The following DPP6 variants were observed in gnomAD, a reference collection of about 807,000 sequenced individuals.
DPP6 encodes dipeptidyl peptidase like 6.
A neutral mutation model predicts 122.6 loss-of-function variants in DPP6; 69 were observed. That is an observed-to-expected ratio of 0.56 (90% confidence interval 0.46 to 0.69). The LOEUF (loss-of-function observed/expected upper bound fraction) is 0.69, where lower values mean the gene tolerates loss of function less well. Ranked by LOEUF, DPP6 falls within the 30% of genes least tolerant of loss-of-function variation. DPP6 has a pLI of 0.00. For synonymous variants in DPP6, 418 were observed against 433.1 expected (o/e 0.97, Z 0.43); for missense variants, 928 against 1,116.9 (o/e 0.83, Z 2.41).
chr7:154,405,505 C>T (rs889885679), intron 1 of DPP6, among the ~76,000 whole-genome samples: 1 of 152,182 alleles, frequency 6.6e-6, no homozygotes, highest in Admixed American at 6.5e-5. Context: ...TTAAAAAAAG[C>T]ATTTTCTAAG....
intron 7 of DPP6, among the ~76,000 whole-genome samples, chr7:154,692,660 C>T (rs1383506979): frequency 6.6e-6 from 1 of 152,160 alleles, no homozygotes; most frequent in Non-Finnish European, 1.5e-5. Flanking sequence ...GATGTAGCTA[C>T]AGATTCTACA....
intron 1 of DPP6, among the ~76,000 whole-genome samples, chr7:154,429,249 C>G (rs74328669): frequency 0.013 from 1,916 of 151,980 alleles, 43 homozygotes; most frequent in African/African-American, 0.042. Flanking sequence ...GGAAATCCAT[C>G]CAGCTGGTCA....
intron 1 of DPP6, among the ~76,000 whole-genome samples, chr7:154,012,198 A>C (rs1798184098): frequency 6.6e-6 from 1 of 152,158 alleles, no homozygotes; most frequent in South Asian, 2.1e-4. Context: ...TTTGCATGAG[A>C]ATTCCTTTTT....
intron 1 of DPP6, among the ~76,000 whole-genome samples, chr7:154,183,901 CAG>C (rs1563289596): frequency 6.6e-6 from 1 of 152,242 alleles, no homozygotes; most frequent in African/African-American, 2.4e-5. Context: ...ATTTCTCTGA[CAG>C]GGGCCCTGCA....
Position 154,481,322 on chromosome 7 carries a change from T to C in DPP6, c.457+6285T>C, listed in dbSNP as rs1335411134. On this transcript the variant is annotated intron_variant, in intron 3 of 25. Coordinates refer to ENST00000377770, the MANE Select transcript of DPP6 (RefSeq NM_130797.4). The surrounding 1 kb of genome is among the most constrained non-coding windows in gnomAD (Gnocchi z 4.2). ...CTAGCTCAAATGCTCTTCCGAGCTA[T>C]ACACTTGGAGAGAGAGAGAGAGGGG... Among the ~76,000 whole-genome samples, 3 of 150,246 alleles carry C rather than the reference T, an allele frequency of 2.0e-5. No homozygotes were observed. The highest frequency in any genetic ancestry group is 4.3e-4 in the South Asian group (2 of 4,682).
the DPP6 span, among the ~76,000 whole-genome samples, chr7:153,775,876 G>A: frequency 6.6e-6 from 1 of 152,052 alleles, no homozygotes; most frequent in East Asian, 1.9e-4. Context: ...ATATTTACAG[G>A]ATCTGTATGC....
intron 4 of DPP6, among the ~76,000 whole-genome samples, chr7:154,565,799 A>AC (rs1830710263): frequency 6.6e-6 from 1 of 152,210 alleles, no homozygotes; most frequent in South Asian, 2.1e-4. Context: ...TGCTGGGATT[A>AC]CAGGCGTGAG....
the DPP6 span, among the ~76,000 whole-genome samples, chr7:153,862,958 ATAT>A: frequency 3.3e-5 from 5 of 152,290 alleles, no homozygotes; most frequent in Non-Finnish European, 4.4e-5. Flanking sequence ...AAATAGATAA[ATAT>A]TATGAGCAGA....
the DPP6 span, among the ~76,000 whole-genome samples, chr7:153,857,104 C>A: frequency 6.6e-6 from 1 of 151,794 alleles, no homozygotes; most frequent in African/African-American, 2.4e-5. Flanking sequence ...AAATTAATAC[C>A]TTTTTTCTAT....
chr7:154,349,351 T>A (rs1277277205), intron 1 of DPP6, among the ~76,000 whole-genome samples: 1 of 152,178 alleles, frequency 6.6e-6, no homozygotes, highest in Admixed American at 6.5e-5. Flanking sequence ...AATTTTTGTA[T>A]CTTTAGTAGA....
At chr7:154,802,601 G>A (rs1798440514) in intron 13 of DPP6, among the ~76,000 whole-genome samples, 1 of 152,180 alleles carries the variant, frequency 6.6e-6, no homozygotes, top group Non-Finnish European at 1.5e-5. Context: ...GCTCACGCCT[G>A]TAATCCCAGC....
chr7:153,853,060 C>T, the DPP6 span, among the ~76,000 whole-genome samples: 1 of 152,124 alleles, frequency 6.6e-6, no homozygotes, highest in Admixed American at 6.5e-5. Flanking sequence ...GCTAATTTTA[C>T]TTAAAAGAGA....
chr7:154,699,295 C>T (rs566792035), intron 7 of DPP6, among the ~76,000 whole-genome samples: 1 of 152,286 alleles, frequency 6.6e-6, no homozygotes, highest in African/African-American at 2.4e-5. Flanking sequence ...TAGATTTTTT[C>T]ATCACCTTAG....
chr7:154,389,077 C>T (rs915021808), intron 1 of DPP6, among the ~76,000 whole-genome samples: 13 of 152,166 alleles, frequency 8.5e-5, no homozygotes, highest in African/African-American at 1.4e-4. Flanking sequence ...TTACCGTCCC[C>T]GCAGTGAGCA....
At chr7:153,789,919 T>G in the DPP6 span, among the ~76,000 whole-genome samples, 1 of 152,152 alleles carries the variant, frequency 6.6e-6, no homozygotes, top group Non-Finnish European at 1.5e-5. Context: ...CAGCTGGATC[T>G]ATGGTAAAAT....
chr7:153,822,099 T>C, the DPP6 span, among the ~76,000 whole-genome samples: 1 of 151,810 alleles, frequency 6.6e-6, no homozygotes, highest in African/African-American at 2.4e-5. Flanking sequence ...TCTATATCAT[T>C]TGATCCCCAA....
chr7:153,843,631 G>C, the DPP6 span, among the ~76,000 whole-genome samples: 4 of 152,080 alleles, frequency 2.6e-5, 1 homozygote, highest in Non-Finnish European at 5.9e-5. Context: ...TTGATTATGA[G>C]GTGAGATGGT....
intron 1 of DPP6, among the ~76,000 whole-genome samples, chr7:154,423,684 G>A (rs1218385640): frequency 1.3e-5 from 2 of 152,162 alleles, no homozygotes; most frequent in East Asian, 1.9e-4. Context: ...AGACAAAAAG[G>A]AATAAGCAAA....
chr7:153,936,260 A>G (rs1490704686), intron 1 of DPP6, among the ~76,000 whole-genome samples: 1 of 148,586 alleles, frequency 6.7e-6, no homozygotes, highest in Non-Finnish European at 1.5e-5. Flanking sequence ...GCAGAAAAAA[A>G]CACCTCTCAG....
Sources: allele counts gnomAD v4.1 joint callset (sites outside exome capture counted in the v4.1 genomes callset), GRCh38; gene constraint gnomAD v4.1.1; non-coding constraint Gnocchi (gnomAD v3.1); transcripts MANE v1.5; gene names NCBI Gene and HGNC (gene_info 2026-07-23, HGNC 2026-07-21).